Variants in DYSF observed in about 807,000 individuals in gnomAD.
DYSF encodes dysferlin.
A neutral mutation model predicts 274.9 loss-of-function variants in DYSF; 212 were observed. That is an observed-to-expected ratio of 0.77 (90% confidence interval 0.69 to 0.86). The LOEUF is 0.86. Among genes scored for constraint, DYSF ranks in the 40% least tolerant of loss-of-function variants. DYSF has a pLI of 0.00. For missense variants in DYSF, 2,666 were observed against 2,783.2 expected, an observed-to-expected ratio of 0.96 and a Z score of 0.95; for synonymous variants, 1,091 against 1,078.7, an observed-to-expected ratio of 1.01 and a Z score of -0.22.
At chr2:71,617,514 G>C (rs145441252) in intron 40 of DYSF, among the ~76,000 whole-genome samples, 256 of 152,186 alleles carry the variant, frequency 1.7e-3, no homozygotes, top group African/African-American at 5.9e-3. Context: ...GTGGGACTCT[G>C]TGTGTATGTT....
intron 40 of DYSF, among the ~76,000 whole-genome samples, chr2:71,617,854 G>GTGTGTTT (rs1483723993): frequency 1.8e-5 from 2 of 109,416 alleles, no homozygotes; most frequent in African/African-American, 3.3e-5. Flanking sequence ...GGTAGAGATG[G>GTGTGTTT]GGTGTGTGTG....
In DYSF at chr2:71,674,284, G is replaced by T; in HGVS notation, c.5872G>T (p.Asp1958Tyr). The part of the protein sequence containing the change: ...QIWDNDKFSF[D>Y]DFLGSLQLDL... ...CTGGGACAATGACAAGTTCTCCTTT[G>T]ATGATTTTCTGGGTAAGCGCTATTG... The change falls in exon 52 of 56, where the codon GAT (aspartate) becomes TAT (tyrosine). Residue 1958 changes from aspartate to tyrosine, a missense_variant. This residue lies in a region of DYSF where 1,460 missense variants were observed against 1,502.1 expected (regional missense o/e 0.97). Coordinates refer to ENST00000410020, the MANE Select transcript of DYSF (RefSeq NM_001130987.2). 1 of 1,614,228 alleles carries T rather than the reference G, an allele frequency of 6.2e-7. No homozygotes were observed. Among genetic ancestry groups the T allele is most frequent in the Non-Finnish European group, 8.5e-7 (1 of 1,180,028 alleles).
At chr2:71,584,944 A>G (rs189941760) in intron 30 of DYSF, among the ~76,000 whole-genome samples, 17 of 152,376 alleles carry the variant, frequency 1.1e-4, no homozygotes, top group African/African-American at 3.4e-4. Context: ...ACAGAAGGCC[A>G]GAGGAGAGGA....
Position 71,669,092 on chromosome 2 carries a change from A to G in DYSF, c.5547-20A>G. ...CTTTGGTAGGAAATCTAGGTGGATT[A>G]GAGTGATACCTTTCCCCAGGTTTTT... On this transcript the variant is annotated intron_variant, in intron 49 of 55. Coordinates refer to ENST00000410020, the MANE Select transcript of DYSF (RefSeq NM_001130987.2). The G allele has an allele frequency of 6.4e-7, 1 of 1,566,562 alleles. No homozygotes were observed.
At chr2:71,535,854 C>A (rs2089282477) in intron 16 of DYSF, among the ~76,000 whole-genome samples, 1 of 152,206 alleles carries the variant, frequency 6.6e-6, no homozygotes, top group Non-Finnish European at 1.5e-5. Flanking sequence ...GCATCTAATA[C>A]TTGTTGAGCA....
intron 41 of DYSF, among the ~76,000 whole-genome samples, chr2:71,624,151 T>C (rs2094162294): frequency 1.3e-5 from 2 of 152,182 alleles, no homozygotes; most frequent in Non-Finnish European, 2.9e-5. Flanking sequence ...TCAAATTCTA[T>C]GTGTTTTTAA....
At chr2:71,556,799 T>C (rs1348371690) in intron 22 of DYSF, among the ~76,000 whole-genome samples, 1 of 152,190 alleles carries the variant, frequency 6.6e-6, no homozygotes, top group Admixed American at 6.5e-5. Flanking sequence ...AGCTGTTAAA[T>C]GGACTTAAAT....
At chr2:71,524,124 A>G (rs2087602932) in intron 12 of DYSF, among the ~76,000 whole-genome samples, 1 of 152,014 alleles carries the variant, frequency 6.6e-6, no homozygotes, top group African/African-American at 2.4e-5. Context: ...CTCTTTGCCT[A>G]CCAAGAGCCA....
chr2:71,677,978 G>A (rs1359035671), intron 52 of DYSF, among the ~76,000 whole-genome samples: 1 of 152,218 alleles, frequency 6.6e-6, no homozygotes, highest in Non-Finnish European at 1.5e-5. Flanking sequence ...TGAACAAAGT[G>A]TGGTACAGGT....
At chr2:71,493,512 T>C (rs1009737081) in intron 3 of DYSF, among the ~76,000 whole-genome samples, 3 of 152,214 alleles carry the variant, frequency 2.0e-5, no homozygotes, top group Non-Finnish European at 4.4e-5. Flanking sequence ...CGTGGGAATA[T>C]GCATGCCATA....
intron 1 of DYSF, among the ~76,000 whole-genome samples, chr2:71,477,584 G>A (rs960816522): frequency 1.2e-4 from 19 of 152,176 alleles, no homozygotes; most frequent in African/African-American, 3.9e-4. Flanking sequence ...TTTTGGTAGG[G>A]CATTGTGAAA....
rs794727119 is a variant in DYSF at position 71,535,079 on chromosome 2, T to C, written c.1439T>C (p.Leu480Pro). 1.4e-5 allele frequency: 22 copies of C among 1,614,016 alleles called. No homozygotes were observed. Among genetic ancestry groups the C allele is most frequent in the Non-Finnish European group, 1.8e-5 (21 of 1,180,016 alleles). Residue 480 changes from leucine to proline, a missense_variant, in exon 15 of 56, where the codon CTG becomes CCG. This residue lies in a region of DYSF where 794 missense variants were observed against 777.1 expected (regional missense o/e 1.02). Transcript: ENST00000410020. Reference protein sequence around the residue: ...ANPQWNQNITLPAMFPSMCEK... With the variant: ...ANPQWNQNITPPAMFPSMCEK... ...CCTCAGTGGAACCAGAACATCACAC[T>C]GCCTGCCATGGTGAGCCTCCTGCCC...
rs1291356677 is a variant in DYSF at position 71,618,661 on chromosome 2, GGTGT to G, written c.4465-1878_4465-1875del. 9.7e-5 allele frequency among the ~76,000 whole-genome samples: 11 copies of G among 113,646 alleles called. No homozygotes were observed. The East Asian group carries it at 1.4e-3, about 14-fold the overall frequency. 74.6% of individuals were successfully genotyped at this position (113,646 alleles called of 152,430 possible). ...AGGAGGTGGTGTGTGTGGCAGAGGA[GGTGT>G]GTGTGTGGTAGAGGGATGTGAGTGT... On this transcript the variant is annotated intron_variant, in intron 40 of 55. Transcript: ENST00000410020.
At chr2:71,492,435 G>A (rs2083934374) in intron 3 of DYSF, among the ~76,000 whole-genome samples, 1 of 152,132 alleles carries the variant, frequency 6.6e-6, no homozygotes, top group South Asian at 2.1e-4. Flanking sequence ...CGCTAACCAG[G>A]GGGAGATACA....
Position 71,570,298 on chromosome 2 carries a change from TG to T in DYSF, c.3051del (p.Trp1017CysfsTer58). On this transcript the variant is annotated frameshift_variant, in exon 28 of 56. Transcript: ENST00000410020. LOFTEE classifies it high-confidence loss of function. ...PLGWKWEDEE[W>X]STDLNRAVDE... ...GGGCTGGAAGTGGGAAGATGAGGAA[TG>T]GTCCACAGACCTCAACCGGGCTGTC... 1 of 1,614,146 alleles carries T rather than the reference TG, an allele frequency of 6.2e-7. No homozygotes were observed. The highest frequency in any genetic ancestry group is 8.5e-7 in the Non-Finnish European group (1 of 1,180,018).
At chr2:71,526,410 G>GCT in intron 13 of DYSF, 64 bp downstream of exon 13, 2 of 1,463,014 alleles carry the variant, frequency 1.4e-6, no homozygotes, top group Non-Finnish European at 9.4e-7. Flanking sequence ...GCTGGTGGGG[G>GCT]TGGGCGATGG....
intron 18 of DYSF, 67 bp from the exon 19 acceptor site, chr2:71,551,540 G>T (rs1283183236): frequency 4.4e-6 from 6 of 1,375,240 alleles, no homozygotes; most frequent in Non-Finnish European, 6.1e-6. Flanking sequence ...AGGGCCAGAG[G>T]GTGCCCCTTT....
At chr2:71,635,377 G>A (rs1269782877) in intron 41 of DYSF, among the ~76,000 whole-genome samples, 1 of 152,188 alleles carries the variant, frequency 6.6e-6, no homozygotes, top group Non-Finnish European at 1.5e-5. Context: ...AGGCATTCCT[G>A]TATCCATCAA....
At position 71,623,692 on chromosome 2, in the gene DYSF, G is replaced by A. The variant is rs78346935; in HGVS notation, c.4527+3083G>A. Among the ~76,000 whole-genome samples, 553 of 152,072 alleles carry A rather than the reference G, an allele frequency of 3.6e-3. 1 individual carries two copies. Among genetic ancestry groups the A allele is most frequent in the African/African-American group, 0.013 (534 of 41,474 alleles). On this transcript the variant is annotated intron_variant, in intron 41 of 55. Coordinates refer to ENST00000410020, the MANE Select transcript of DYSF (RefSeq NM_001130987.2). Reference sequence around the variant, plus strand: ...AACGATACTTGCAAAAAAAAAATCTGAGTGTAGAGTCCTCTTAAAGTTTAA... The same window carrying A: ...AACGATACTTGCAAAAAAAAAATCTAAGTGTAGAGTCCTCTTAAAGTTTAA...
Sources: allele counts gnomAD v4.1 joint callset (sites outside exome capture counted in the v4.1 genomes callset), GRCh38; gene constraint gnomAD v4.1.1; regional missense constraint gnomAD v4.1.1; transcripts MANE v1.5; gene names NCBI Gene and HGNC (gene_info 2026-07-23, HGNC 2026-07-21).